The following RABGAP1L variants were observed in gnomAD, a reference collection of about 807,000 sequenced individuals.
The protein encoded by RABGAP1L is rab GTPase-activating protein 1-like.
In RABGAP1L, 63 loss-of-function variants were observed where a neutral mutation model predicts 137.7. That is an observed-to-expected ratio of 0.46 (90% CI 0.37 to 0.56). The LOEUF (loss-of-function observed/expected upper bound fraction) is 0.56. Ranked by LOEUF, RABGAP1L falls within the 20% of genes least tolerant of loss-of-function variation. The pLI is 0.00. For synonymous variants in RABGAP1L, 431 were observed against 433.7 expected (o/e 0.99, Z 0.08); for missense variants, 1,095 against 1,244.0 (o/e 0.88, Z 1.80).
At chr1:174,547,303 G>T (rs1433146707) in intron 13 of RABGAP1L, among the ~76,000 whole-genome samples, 1 of 152,018 alleles carries the variant, frequency 6.6e-6, no homozygotes, top group Non-Finnish European at 1.5e-5. Context: ...TTATTTTTAA[G>T]GTGGTAGAGA....
At chr1:174,843,554 A>C (rs1184024922) in intron 19 of RABGAP1L, among the ~76,000 whole-genome samples, 1 of 135,922 alleles carries the variant, frequency 7.4e-6, no homozygotes, top group Non-Finnish European at 1.6e-5. Flanking sequence ...AAAGGACATG[A>C]ACTCATCATT....
rs114892782 is a variant in RABGAP1L at position 174,336,823 on chromosome 1, T to G, written c.1465+31696T>G. 9.5e-3 allele frequency among the ~76,000 whole-genome samples: 1,441 copies of G among 151,966 alleles called. 22 individuals carry two copies. Among genetic ancestry groups the G allele is most frequent in the African/African-American group, 0.033 (1,383 of 41,446 alleles). ...ATAATCTTGGCATGATAGATGCTGT[T>G]TCTTTACCAGATAATTTCAGTGTTT... is the stretch of plus-strand genomic sequence containing the variant. On this transcript the variant is annotated intron_variant, in intron 11 of 25. Transcript: ENST00000681986.
intron 19 of RABGAP1L, among the ~76,000 whole-genome samples, chr1:174,944,411 AAG>A (rs1317250471): frequency 2.0e-5 from 3 of 152,056 alleles, no homozygotes; most frequent in African/African-American, 7.2e-5. Flanking sequence ...TGGGAGGCCA[AAG>A]TGTACAGATC....
In RABGAP1L at chr1:174,641,825, T is replaced by C. The variant is rs573289080; in HGVS notation, c.1824+4337T>C. ...TGTGATTCTCAGTGTTGTTCAAATT[T>C]TTTTTCCTGACATATAACACATAAA... On this transcript the variant is annotated intron_variant, in intron 14 of 25. Transcript: ENST00000681986. Among the ~76,000 whole-genome samples the C allele has an allele frequency of 1.1e-4, 16 of 152,244 alleles. No individual in the cohort carries two copies. In the East Asian group the frequency reaches 2.9e-3, roughly 28 times the overall value.
chr1:174,927,713 G>A (rs1028431004), intron 19 of RABGAP1L, among the ~76,000 whole-genome samples: 1 of 152,106 alleles, frequency 6.6e-6, no homozygotes, highest in Non-Finnish European at 1.5e-5. Context: ...CACCACAGCT[G>A]GATGATGTTT....
chr1:174,172,175 C>CT (rs33966970), intron 1 of RABGAP1L, among the ~76,000 whole-genome samples: 130 of 91,164 alleles, frequency 1.4e-3, no homozygotes, highest in African/African-American at 6.4e-3. Flanking sequence ...ATAATATTCC[C>CT]TTGTGTGTGT....
chr1:174,881,376 A>T (rs1257066235), intron 19 of RABGAP1L, among the ~76,000 whole-genome samples: 1 of 151,606 alleles, frequency 6.6e-6, no homozygotes, highest in African/African-American at 2.4e-5. Flanking sequence ...CTTTCTGAAG[A>T]TATTTAGTTT....
At chr1:174,583,074 T>A (rs530325078) in intron 13 of RABGAP1L, among the ~76,000 whole-genome samples, 63 of 152,326 alleles carry the variant, frequency 4.1e-4, no homozygotes, top group African/African-American at 1.5e-3. Flanking sequence ...TTAACTCTTA[T>A]ATTTCCCAAG....
chr1:174,237,203 A>T (rs1378038226), intron 4 of RABGAP1L, among the ~76,000 whole-genome samples: 2 of 148,912 alleles, frequency 1.3e-5, no homozygotes, highest in African/African-American at 5.0e-5. Flanking sequence ...CAGCACACTG[A>T]TGGGTCTTGA....
intron 1 of RABGAP1L, among the ~76,000 whole-genome samples, chr1:174,167,830 A>C (rs1571338475): frequency 1.3e-5 from 2 of 152,178 alleles, no homozygotes; most frequent in African/African-American, 2.4e-5. Flanking sequence ...TATAAACTAC[A>C]TGGAGTGTTT....
chr1:174,387,862 C>G (rs1686925844), intron 12 of RABGAP1L, among the ~76,000 whole-genome samples: 1 of 151,826 alleles, frequency 6.6e-6, no homozygotes, highest in Non-Finnish European at 1.5e-5. Flanking sequence ...CTTTAGAAAA[C>G]TTGTTGGATT....
At chr1:174,726,272 CTTA>C (rs1157477969) in intron 17 of RABGAP1L, among the ~76,000 whole-genome samples, 4 of 151,696 alleles carry the variant, frequency 2.6e-5, no homozygotes, top group Admixed American at 6.6e-5. Context: ...TCTAGCTCTT[CTTA>C]TTAGTTAATT....
intron 13 of RABGAP1L, among the ~76,000 whole-genome samples, chr1:174,607,468 C>T (rs948854960): frequency 6.6e-6 from 1 of 152,134 alleles, no homozygotes; most frequent in African/African-American, 2.4e-5. Flanking sequence ...TGTTGGGTTA[C>T]AGACATTCCT....
At chr1:174,915,093 T>A (rs1196552683) in intron 19 of RABGAP1L, among the ~76,000 whole-genome samples, 1 of 152,240 alleles carries the variant, frequency 6.6e-6, no homozygotes, top group Non-Finnish European at 1.5e-5. Flanking sequence ...GACTTTTTGC[T>A]TGTTTCTAGT....
chr1:174,290,871 C>T (rs1238447567), intron 10 of RABGAP1L, among the ~76,000 whole-genome samples: 1 of 151,616 alleles, frequency 6.6e-6, no homozygotes, highest in Admixed American at 6.6e-5. Flanking sequence ...AAGTGATTCT[C>T]CTGCATCAGC....
chr1:174,280,560 T>C (rs1046786442), intron 10 of RABGAP1L, among the ~76,000 whole-genome samples: 5 of 152,204 alleles, frequency 3.3e-5, no homozygotes, highest in Non-Finnish European at 7.3e-5. Flanking sequence ...TTGGCAACTT[T>C]CTTCTCTCAA....
chr1:174,900,183 A>G (rs1423631393), intron 19 of RABGAP1L, among the ~76,000 whole-genome samples: 6 of 152,198 alleles, frequency 3.9e-5, no homozygotes, highest in Non-Finnish European at 7.3e-5. Flanking sequence ...GGTTCTTGGC[A>G]TCTCGAACAA....
intron 13 of RABGAP1L, among the ~76,000 whole-genome samples, chr1:174,538,170 T>C (rs1665045036): frequency 1.3e-5 from 2 of 152,328 alleles, no homozygotes; most frequent in South Asian, 4.1e-4. Context: ...TTTGCTTATG[T>C]TGGTACTTCC....
chr1:174,889,417 C>T (rs537327176), intron 19 of RABGAP1L, among the ~76,000 whole-genome samples: 13 of 152,068 alleles, frequency 8.5e-5, no homozygotes, highest in South Asian at 8.3e-4. Context: ...CCACCGCGTC[C>T]GGCCCTGTTT....
Sources: gnomAD v4.1 joint callset for allele counts (sites outside exome capture counted in the v4.1 genomes callset) on GRCh38, gnomAD v4.1.1 for gene constraint, MANE v1.5 for transcripts, NCBI Gene and HGNC (gene_info 2026-07-23, HGNC 2026-07-21) for gene names.